Variants in PCDHGA2 observed in about 807,000 individuals in gnomAD.
PCDHGA2 encodes protocadherin gamma-A2.
PCDHGA2 carries 40 observed loss-of-function variants against 59.2 expected under a neutral mutation model. That is an observed-to-expected ratio of 0.68 (90% CI 0.52 to 0.88). The LOEUF is 0.88. Among genes scored for constraint, PCDHGA2 ranks in the 40% least tolerant of loss-of-function variants. PCDHGA2 has a pLI of 0.00. For missense variants in PCDHGA2, 1,226 were observed against 1,204.0 expected (o/e 1.02, Z -0.27); for synonymous variants, 560 against 526.0 (o/e 1.06, Z -0.89).
chr5:141,432,096 A>G lies in PCDHGA2; in HGVS notation c.2425-62711A>G, dbSNP rs763154183. On this transcript the variant is annotated intron_variant, in intron 1 of 3. Transcript: ENST00000394576. This position sits in a 1 kb window ranked among gnomAD's most constrained non-coding sequence, Gnocchi z 6.0. Reference sequence around the variant, plus strand: ...ATCTCGCTGAACGTGGCAGACACCAACGACAACCCGCCGGTCTTCCCTCAG... The same window carrying G: ...ATCTCGCTGAACGTGGCAGACACCAGCGACAACCCGCCGGTCTTCCCTCAG... The G allele has an allele frequency of 1.9e-6, 3 of 1,613,944 alleles. No homozygotes were observed. Among genetic ancestry groups the G allele is most frequent in the East Asian group, 2.2e-5 (1 of 44,870 alleles).
At chr5:141,363,604 C>A (rs907704240) in intron 1 of PCDHGA2, among the ~76,000 whole-genome samples, 2 of 152,196 alleles carry the variant, frequency 1.3e-5, no homozygotes, top group Non-Finnish European at 2.9e-5. Context: ...CAAACGCTGT[C>A]TGAGATAGTG....
intron 1 of PCDHGA2, chr5:141,399,969 C>T (rs1371912218): frequency 1.2e-6 from 2 of 1,612,194 alleles, no homozygotes; most frequent in South Asian, 2.2e-5. Context: ...GGCTCTTCAG[C>T]CTGGGGCTGC....
intron 1 of PCDHGA2, chr5:141,362,643 G>A: frequency 6.8e-7 from 1 of 1,460,260 alleles, no homozygotes; most frequent in Non-Finnish European, 9.1e-7. Flanking sequence ...TTCTTTGTCT[G>A]TGAGTTAGAT....
At chr5:141,389,512 A>T in intron 1 of PCDHGA2, 1 of 1,613,138 alleles carries the variant, frequency 6.2e-7, no homozygotes, top group Non-Finnish European at 8.5e-7. Context: ...CTCAGCGCGA[A>T]CGTGAGCCTG....
At chr5:141,473,212 C>G (rs1311953997) in intron 1 of PCDHGA2, among the ~76,000 whole-genome samples, 1 of 152,012 alleles carries the variant, frequency 6.6e-6, no homozygotes, top group Non-Finnish European at 1.5e-5. Flanking sequence ...AAAATGCTTA[C>G]TTCCAGGGAG....
In PCDHGA2 at chr5:141,489,255, A is replaced by G. The variant is rs909780010; in HGVS notation, c.2425-5552A>G. 2 of 1,548,804 alleles carry G rather than the reference A, an allele frequency of 1.3e-6. No individual in the cohort carries two copies. Among genetic ancestry groups the G allele is most frequent in the Non-Finnish European group, 1.7e-6 (2 of 1,147,848 alleles). On this transcript the variant is annotated intron_variant, in intron 1 of 3. Coordinates refer to ENST00000394576, the MANE Select transcript of PCDHGA2 (RefSeq NM_018915.4). The surrounding 1 kb of genome is among the most constrained non-coding windows in gnomAD (Gnocchi z 4.5). ...ACTTCTGGGTCATGGGGCCCAAGAC[A>G]CTCCCACAGCTCGCTGGGAAATGGC...
chr5:141,486,714 C>G lies in PCDHGA2; in HGVS notation c.2425-8093C>G. On this transcript the variant is annotated intron_variant, in intron 1 of 3. Transcript: ENST00000394576. This position sits in a 1 kb window ranked among gnomAD's most constrained non-coding sequence, Gnocchi z 5.0. ...TCTTTCATCTCTCTGAACCCCCAGA[C>G]AGGAGCTGTTCATGCTACTCGATCC... 1.2e-6 allele frequency: 2 copies of G among 1,614,216 alleles called. No individual in the cohort carries two copies. Among genetic ancestry groups the G allele is most frequent in the African/African-American group, 1.3e-5 (1 of 75,062 alleles).
intron 1 of PCDHGA2, chr5:141,419,602 C>T (rs757423030): frequency 6.2e-7 from 1 of 1,611,874 alleles, no homozygotes; most frequent in Admixed American, 1.7e-5. Flanking sequence ...TGCCGCGGGC[C>T]GCGCAGCCAG....
intron 1 of PCDHGA2, chr5:141,395,206 A>G (rs773754361): frequency 1.2e-6 from 2 of 1,613,736 alleles, no homozygotes; most frequent in South Asian, 1.1e-5. Context: ...GTAGATTTTC[A>G]TGAATATAAG....
At chr5:141,399,942 G>T (rs780939486) in intron 1 of PCDHGA2, 2 of 1,612,258 alleles carry the variant, frequency 1.2e-6, no homozygotes, top group Admixed American at 3.3e-5. Flanking sequence ...ACCACGTGCT[G>T]CAGGCTAGCG....
chr5:141,366,556 C>A (rs1764642074), intron 1 of PCDHGA2: 1 of 1,614,234 alleles, frequency 6.2e-7, no homozygotes, highest in Non-Finnish European at 8.5e-7. Flanking sequence ...ACTTTGTGGG[C>A]GTGGATGGGG....
rs528604971 is a variant in PCDHGA2, at chr5:141,346,171, C to A, written c.2424+4776C>A. 28 of 1,614,056 alleles carry A rather than the reference C, an allele frequency of 1.7e-5. No individual in the cohort carries two copies. The highest frequency in any genetic ancestry group is 2.3e-5 in the Non-Finnish European group (27 of 1,179,950). On this transcript the variant is annotated intron_variant, in intron 1 of 3. Transcript: ENST00000394576. Reference sequence around the variant, plus strand: ...CTGGCCTTCGTCATCGTGCTGCTGGCGCTCAGGCTGCGGCGCTGGCACAAG... The same window carrying A: ...CTGGCCTTCGTCATCGTGCTGCTGGAGCTCAGGCTGCGGCGCTGGCACAAG...
Position 141,432,466 on chromosome 5 carries a change from G to A in PCDHGA2, c.2425-62341G>A, listed in dbSNP as rs149116648. 5.7e-4 allele frequency: 913 copies of A among 1,614,208 alleles called. 6 individuals carry two copies. In the African/African-American group the frequency reaches 0.011, roughly 19 times the overall value. On this transcript the variant is annotated intron_variant, in intron 1 of 3. Transcript: ENST00000394576. This position sits in a 1 kb window ranked among gnomAD's most constrained non-coding sequence, Gnocchi z 6.0. The stretch of plus-strand genomic sequence containing the variant: ...AGATCCTGTACCCCGCCCTCCCCAC[G>A]GACGGTTCCACTGGCGTGGAGCTGG...
rs867175585 is a variant in PCDHGA2, at chr5:141,376,626, G to A, written c.2424+35231G>A. 71 of 1,155,548 alleles carry A rather than the reference G, an allele frequency of 6.1e-5. 4 individuals carry two copies. In the Middle Eastern group the frequency reaches 4.6e-3, roughly 75 times the overall value. 71.6% of individuals were successfully genotyped at this position (1,155,548 alleles called of 1,614,324 possible). A position where few individuals can be genotyped will look rare whatever the true frequency, so the allele number is the denominator to read the frequency against. Reference sequence around the variant, plus strand: ...AAGCGAACCTCTTTTGGTACAGGAAGATTCGTGATTTTGTAAAGTGGAAGA... The same window carrying A: ...AAGCGAACCTCTTTTGGTACAGGAAAATTCGTGATTTTGTAAAGTGGAAGA... On this transcript the variant is annotated intron_variant, in intron 1 of 3. Transcript: ENST00000394576.
intron 1 of PCDHGA2, among the ~76,000 whole-genome samples, chr5:141,353,781 T>A (rs1759382826): frequency 6.6e-6 from 1 of 152,240 alleles, no homozygotes; most frequent in Non-Finnish European, 1.5e-5. Context: ...TACTGTCAAA[T>A]TTATTTCCAA....
At chr5:141,351,221 G>A (rs201087525) in intron 1 of PCDHGA2, 5 of 1,614,012 alleles carry the variant, frequency 3.1e-6, no homozygotes, top group Non-Finnish European at 4.2e-6. Flanking sequence ...TAAGGATGGA[G>A]GAGTACACAC....
chr5:141,479,631 A>G (rs191955216), intron 1 of PCDHGA2: 1 of 152,282 alleles, frequency 6.6e-6, no homozygotes, highest in Non-Finnish European at 1.5e-5. Context: ...TCTCTTTAAC[A>G]ATAACAACAA....
At chr5:141,414,100 G>A (rs1293589634) in intron 1 of PCDHGA2, 2 of 1,593,288 alleles carry the variant, frequency 1.3e-6, no homozygotes. Context: ...AAAAATATCA[G>A]AAAATCTAGA....
chr5:141,368,426 C>T (rs998020099), intron 1 of PCDHGA2, among the ~76,000 whole-genome samples: 8 of 151,928 alleles, frequency 5.3e-5, no homozygotes, highest in African/African-American at 1.9e-4. Context: ...GACATTCTGA[C>T]CAAAATGTAA....
Sources: allele counts gnomAD v4.1 joint callset (sites outside exome capture counted in the v4.1 genomes callset), GRCh38; gene constraint gnomAD v4.1.1; non-coding constraint Gnocchi (gnomAD v3.1); transcripts MANE v1.5; gene names NCBI Gene and HGNC (gene_info 2026-07-23, HGNC 2026-07-21).